Variants in ITGB3 observed in about 807,000 individuals in gnomAD.
The protein encoded by ITGB3 is integrin subunit beta 3, also known as integrin beta-3.
Under a neutral mutation model 85.8 loss-of-function variants are expected in ITGB3, and 48 were observed. The observed-to-expected ratio is 0.56, with a 90% CI of 0.44 to 0.71. The LOEUF is 0.71. Ranked by LOEUF, ITGB3 falls within the 30% of genes least tolerant of loss-of-function variation. The pLI, the probability that ITGB3 is intolerant of heterozygous loss-of-function variation, is 0.00. For synonymous variants in ITGB3, 363 were observed against 395.6 expected, an observed-to-expected ratio of 0.92 and a Z score of 0.98; for missense variants, 861 against 1,019.1, an observed-to-expected ratio of 0.84 and a Z score of 2.11.
chr17:47,277,000 AG>A (rs1486367390), intron 2 of ITGB3, among the ~76,000 whole-genome samples: 1 of 152,142 alleles, frequency 6.6e-6, no homozygotes, highest in East Asian at 1.9e-4. Context: ...TTGGTCCTAG[AG>A]GACCGGAGCT....
intron 14 of ITGB3, 81 bp downstream of exon 14, chr17:47,307,718 T>C: frequency 7.4e-7 from 1 of 1,355,864 alleles, no homozygotes; most frequent in Non-Finnish European, 1.0e-6. Flanking sequence ...TGGGTGGTCA[T>C]GTTCAGCCAG....
intron 13 of ITGB3, chr17:47,305,677 C>G (rs1183940545): frequency 6.6e-6 from 1 of 152,044 alleles, no homozygotes; most frequent in African/African-American, 2.4e-5. Context: ...GGGAAAGAAC[C>G]CAAAATATTG....
chr17:47,266,713 G>C (rs1042126601), intron 1 of ITGB3, among the ~76,000 whole-genome samples: 2 of 152,054 alleles, frequency 1.3e-5, no homozygotes, highest in African/African-American at 4.8e-5. Flanking sequence ...GAGTAGCTGG[G>C]ACTGCTGGTG....
chr17:47,284,340 T>A, intron 3 of ITGB3, 103 bp from the exon 4 acceptor site: 1 of 1,387,372 alleles, frequency 7.2e-7, no homozygotes, highest in Non-Finnish European at 1.0e-6. Context: ...GGCTTTCTGG[T>A]TTGCTTTGAT....
chr17:47,273,783 T>C (rs2065053479), intron 1 of ITGB3, among the ~76,000 whole-genome samples: 1 of 152,254 alleles, frequency 6.6e-6, no homozygotes, highest in Non-Finnish European at 1.5e-5. Context: ...CCATGTTCTT[T>C]TAGTGTATAT....
chr17:47,292,338 G>A lies in ITGB3; in HGVS notation c.1460G>A (p.Arg487His), dbSNP rs914011403. ...GNGTFECGVC[R>H]CGPGWLGSQC... ...GGGACCTTTGAGTGTGGGGTATGCCGTTGTGGGCCTGGCTGGCTGGGATCC... is the reference window on the plus strand; with the variant it reads ...GGGACCTTTGAGTGTGGGGTATGCCATTGTGGGCCTGGCTGGCTGGGATCC... The change falls in exon 10 of 15, where the codon CGT becomes CAT. Residue 487 changes from arginine (R) to histidine (H), a missense_variant. Physicochemically the swap from Arg to His is conservative, Grantham distance 29. Transcript: ENST00000559488. 6.2e-6 allele frequency: 10 copies of A among 1,614,232 alleles called. No individual in the cohort carries two copies. Among genetic ancestry groups the A allele is most frequent in the East Asian group, 2.2e-5 (1 of 44,886 alleles).
At chr17:47,287,911 CTTTTTTTTTTTTT>C (rs60463106) in intron 6 of ITGB3, among the ~76,000 whole-genome samples, 11 of 55,396 alleles carry the variant, frequency 2.0e-4, no homozygotes, top group African/African-American at 4.8e-4. Context: ...ACCACCCCTG[CTTTTTTTTTTTTT>C]TTTTTTTTTT....
intron 6 of ITGB3, among the ~76,000 whole-genome samples, chr17:47,288,257 A>G (rs1040823838): frequency 1.4e-4 from 21 of 151,204 alleles, no homozygotes; most frequent in African/African-American, 4.6e-4. Flanking sequence ...GGGAAAGAAC[A>G]TAAAAGGCAT....
At position 47,313,166 on chromosome 17, in the gene ITGB3, G is replaced by A. The variant is rs982712396; in HGVS notation, c.*2962G>A. Among the ~76,000 whole-genome samples, 1 of 151,042 alleles carries A rather than the reference G, an allele frequency of 6.6e-6. No individual in the cohort carries two copies. The highest frequency in any genetic ancestry group is 2.0e-4 in the East Asian group (1 of 5,112). ...TTTTTGTATTTTTAGTAGAGACGGG[G>A]TTTCACCATGTTGGCCAGGCTGGTC... On this transcript the variant is annotated 3_prime_UTR_variant, in exon 15 of 15. Transcript: ENST00000559488.
chr17:47,288,054 A>C (rs977054871), intron 6 of ITGB3, among the ~76,000 whole-genome samples: 3 of 150,174 alleles, frequency 2.0e-5, no homozygotes, highest in African/African-American at 4.9e-5. Context: ...ATGCACTACC[A>C]TGCCCAGCTA....
intron 8 of ITGB3, among the ~76,000 whole-genome samples, 174 bp downstream of exon 8, chr17:47,290,448 A>AGAAGGAAGGAAGGAAGGAAGGAAGGAAG (rs112290297): frequency 3.0e-4 from 44 of 149,046 alleles, no homozygotes; most frequent in African/African-American, 4.5e-4. Flanking sequence ...CAGCCTTCTG[A>AGAAGGAAGGAAGGAAGGAAGGAAGGAAG]GAAGGAAGGA....
chr17:47,287,378 C>A, intron 6 of ITGB3, 147 bp downstream of exon 6: 2 of 783,554 alleles, frequency 2.6e-6, no homozygotes, highest in Non-Finnish European at 4.3e-6. Context: ...TATCCCTTAC[C>A]AACTGGACAC....
chr17:47,256,185 G>T (rs2064989168), intron 1 of ITGB3, among the ~76,000 whole-genome samples: 2 of 152,054 alleles, frequency 1.3e-5, no homozygotes, highest in Admixed American at 6.6e-5. Flanking sequence ...AAGATATCTG[G>T]TCAGGCACGG....
At chr17:47,269,602 C>T (rs2065037478) in intron 1 of ITGB3, among the ~76,000 whole-genome samples, 1 of 152,218 alleles carries the variant, frequency 6.6e-6, no homozygotes, top group Admixed American at 6.5e-5. Context: ...ATATCACTGT[C>T]AGCATTTTGG....
At chr17:47,289,596 C>A in intron 6 of ITGB3, 85 bp from the exon 7 acceptor site, 1 of 988,220 alleles carries the variant, frequency 1.0e-6, no homozygotes, top group Non-Finnish European at 1.6e-6. Context: ...CTCTGAGCCA[C>A]AGCCCAAGCA....
chr17:47,261,064 G>T (rs539565604), intron 1 of ITGB3, among the ~76,000 whole-genome samples: 1 of 152,214 alleles, frequency 6.6e-6, no homozygotes, highest in South Asian at 2.1e-4. Flanking sequence ...TGGATCTCTT[G>T]AACTTATTCC....
chr17:47,284,095 A>G (rs1200534606), intron 3 of ITGB3, among the ~76,000 whole-genome samples: 1 of 152,212 alleles, frequency 6.6e-6, no homozygotes, highest in Non-Finnish European at 1.5e-5. Flanking sequence ...GTTGGATGCA[A>G]TGGGATTCAG....
rs766919833 is a variant in ITGB3, at chr17:47,299,393, C to T, written c.1776C>T (p.Thr592=). ...YYCNCTTRTD[T]CMSSNGLLCS... ...GCAACTGTACCACGCGTACTGACAC[C>T]TGCATGTCCAGCAATGGGCTGCTGT... Residue 592 remains threonine (T), a synonymous_variant, in exon 11 of 15, where the codon ACC becomes ACT. Transcript: ENST00000559488. This position sits in a 1 kb window ranked among gnomAD's most constrained non-coding sequence, Gnocchi z 5.1. The T allele has an allele frequency of 3.7e-6, 6 of 1,614,252 alleles. No individual in the cohort carries two copies. Among genetic ancestry groups the T allele is most frequent in the Non-Finnish European group, 4.2e-6 (5 of 1,180,038 alleles).
chr17:47,307,365 T>A, intron 13 of ITGB3, 106 bp from the exon 14 acceptor site: 1 of 1,279,496 alleles, frequency 7.8e-7, no homozygotes. Flanking sequence ...CTGTCCTATT[T>A]CCTTCAAGGA....
Sources: allele counts gnomAD v4.1 joint callset (sites outside exome capture counted in the v4.1 genomes callset), GRCh38; gene constraint gnomAD v4.1.1; non-coding constraint Gnocchi (gnomAD v3.1); transcripts MANE v1.5; gene names NCBI Gene and HGNC (gene_info 2026-07-23, HGNC 2026-07-21).